STAMBP: variants seen among roughly 807,000 people sequenced by gnomAD.
The protein encoded by STAMBP is STAM binding protein.
A neutral mutation model predicts 50.7 loss-of-function variants in STAMBP; 31 were observed. The ratio of observed to expected loss-of-function variants is 0.61; its 90% CI spans 0.46 to 0.83. The LOEUF (loss-of-function observed/expected upper bound fraction) is 0.83, where lower values mean the gene tolerates loss of function less well. Among genes scored for constraint, STAMBP ranks in the 40% least tolerant of loss-of-function variants. The probability of loss-of-function intolerance (pLI) is 0.00; values close to 1 mark genes in which losing one functional copy is unlikely to be tolerated. For synonymous variants in STAMBP, 211 were observed against 192.4 expected (o/e 1.10, Z -0.80); for missense variants, 472 against 518.9 (o/e 0.91, Z 0.88).
intron 7 of STAMBP, 132 bp from the exon 8 acceptor site, chr2:73,859,122 A>T (rs2104675699): frequency 3.0e-6 from 2 of 668,490 alleles, no homozygotes; most frequent in East Asian, 5.0e-5. Context: ...TTCTCAAAGT[A>T]TGTTATCGTA....
At position 73,862,277 on chromosome 2, in the gene STAMBP, C is replaced by T; in HGVS notation, c.*18C>T. 6.2e-7 allele frequency: 1 copy of T among 1,604,914 alleles called. No homozygotes were observed. Among genetic ancestry groups the T allele is most frequent in the Non-Finnish European group, 8.5e-7 (1 of 1,176,354 alleles). On this transcript the variant is annotated 3_prime_UTR_variant, in exon 10 of 10. Coordinates refer to ENST00000394070, the MANE Select transcript of STAMBP (RefSeq NM_213622.4). The stretch of plus-strand genomic sequence containing the variant: ...TTCGATGAGCGTTTGAGTCCAACAC[C>T]TTCCAAGAACAACAAAACCATATCA...
In STAMBP at chr2:73,864,188, A is replaced by C. The variant is rs1678652311; in HGVS notation, c.*1929A>C. On this transcript the variant is annotated 3_prime_UTR_variant, in exon 10 of 10. Coordinates refer to ENST00000394070, the MANE Select transcript of STAMBP (RefSeq NM_213622.4). Reference sequence around the variant, plus strand: ...TCAAGTACAACCAGGGTTGACAACCACTGCATTGGTCTTTGATACCTAAGA... The same window carrying C: ...TCAAGTACAACCAGGGTTGACAACCCCTGCATTGGTCTTTGATACCTAAGA... 6.6e-6 allele frequency: 1 copy of C among 152,244 alleles called. No individual in the cohort carries two copies. Among genetic ancestry groups the C allele is most frequent in the African/African-American group, 2.4e-5 (1 of 41,460 alleles). The allele number at this position is 152,244 out of a possible 1,614,324, so 9.4% of individuals were successfully genotyped here.
intron 5 of STAMBP, 139 bp from the exon 6 acceptor site, chr2:73,849,222 TAG>T: frequency 2.4e-6 from 3 of 1,233,428 alleles, no homozygotes; most frequent in South Asian, 1.3e-5. Flanking sequence ...TTGGTGCCAT[TAG>T]AATGAGATCC....
chr2:73,831,388 A>G (rs1198283461), intron 2 of STAMBP, among the ~76,000 whole-genome samples: 2 of 152,244 alleles, frequency 1.3e-5, no homozygotes, highest in Admixed American at 1.3e-4. Context: ...GCAGCCAATC[A>G]TAGGATTATT....
In STAMBP at chr2:73,855,466, A is replaced by G. The variant is rs760772932; in HGVS notation, c.1006-3788A>G. 9.9e-5 allele frequency among the ~76,000 whole-genome samples: 15 copies of G among 152,218 alleles called. 1 individual carries two copies. Among genetic ancestry groups the G allele is most frequent in the Non-Finnish European group, 1.8e-4 (12 of 68,044 alleles). ...GCAAAGTTTTTTGATTCTGTTTAAG[A>G]GTTGTTTACTGAGTCCCTGCTTATG... On this transcript the variant is annotated intron_variant, in intron 7 of 9. Transcript: ENST00000394070.
Position 73,830,990 on chromosome 2 carries a change from G to C in STAMBP, c.134G>C (p.Arg45Pro). 1 of 1,614,166 alleles carries C rather than the reference G, an allele frequency of 6.2e-7. No individual in the cohort carries two copies. The highest frequency in any genetic ancestry group is 8.5e-7 in the Non-Finnish European group (1 of 1,180,026). The change falls in exon 2 of 10, where the codon CGA (arginine) becomes CCA (proline). Residue 45 changes from arginine (R) to proline (P), a missense_variant. Coordinates refer to ENST00000394070, the MANE Select transcript of STAMBP (RefSeq NM_213622.4). ...TTCCGCTCTGGAGTTGAGATTATCC[G>C]AATGGCATCCATTTACTCTGAGGAA... ...RYFRSGVEII[R>P]MASIYSEEGN...
chr2:73,853,015 T>C (rs995620020), intron 7 of STAMBP, among the ~76,000 whole-genome samples: 4 of 151,554 alleles, frequency 2.6e-5, no homozygotes, highest in African/African-American at 7.3e-5. Flanking sequence ...ATCCTGACCT[T>C]GTGATCCTCG....
At chr2:73,856,166 C>T (rs972284132) in intron 7 of STAMBP, among the ~76,000 whole-genome samples, 2 of 152,216 alleles carry the variant, frequency 1.3e-5, no homozygotes, top group African/African-American at 2.4e-5. Flanking sequence ...ATTTTAGCAT[C>T]GTGTTCTCCT....
chr2:73,852,845 TTGTG>T (rs55727735), intron 7 of STAMBP, among the ~76,000 whole-genome samples: 29,261 of 127,360 alleles, frequency 0.23, 3,270 homozygotes, highest in East Asian at 0.29. Context: ...GCCTGGCTAA[TTGTG>T]TGTGTGTGTG....
At chr2:73,835,863 G>T (rs1022276015) in intron 2 of STAMBP, among the ~76,000 whole-genome samples, 5 of 152,152 alleles carry the variant, frequency 3.3e-5, no homozygotes, top group African/African-American at 1.2e-4. Context: ...GAGATGTCAA[G>T]TGGGAGGTTG....
Position 73,834,722 on chromosome 2 carries a change from T to C in STAMBP, c.203+3663T>C, listed in dbSNP as rs549419430. ...AAGCAGGGGTTTATGACTAGAGTAG[T>C]CAGGGTAAGGTCTGTCTGAGAAGAC... On this transcript the variant is annotated intron_variant, in intron 2 of 9. Coordinates refer to ENST00000394070, the MANE Select transcript of STAMBP (RefSeq NM_213622.4). Among the ~76,000 whole-genome samples the C allele has an allele frequency of 2.0e-5, 3 of 152,200 alleles. No homozygotes were observed. In the East Asian group the frequency reaches 5.8e-4, roughly 29 times the overall value.
Position 73,866,008 on chromosome 2 carries a change from C to G in STAMBP, c.*3749C>G, listed in dbSNP as rs1267314610. 6.6e-6 allele frequency: 1 copy of G among 152,246 alleles called. No individual in the cohort carries two copies. Among genetic ancestry groups the G allele is most frequent in the Non-Finnish European group, 1.5e-5 (1 of 68,070 alleles). 9.4% of individuals were successfully genotyped at this position (152,246 alleles called of 1,614,324 possible). A position where few individuals can be genotyped will look rare whatever the true frequency, so the allele number is the denominator to read the frequency against. On this transcript the variant is annotated 3_prime_UTR_variant, in exon 10 of 10. Transcript: ENST00000394070. Reference sequence around the variant, plus strand: ...AGAAATTACATCATCTCTATTTTCCCTTGGCTCCAGCCCACTCTTGTTTGA... The same window carrying G: ...AGAAATTACATCATCTCTATTTTCCGTTGGCTCCAGCCCACTCTTGTTTGA...
At chr2:73,847,289 A>C in intron 4 of STAMBP, 98 bp from the exon 5 acceptor site, 1 of 1,437,216 alleles carries the variant, frequency 7.0e-7, no homozygotes, top group Non-Finnish European at 9.4e-7. Context: ...CCACAGCAGA[A>C]GTACATTTTG....
chr2:73,843,570 C>T (rs1049314573), intron 2 of STAMBP, among the ~76,000 whole-genome samples: 9 of 151,928 alleles, frequency 5.9e-5, no homozygotes, highest in South Asian at 2.1e-4. Context: ...CACCCAGCCT[C>T]TTTTATATCT....
Position 73,847,688 on chromosome 2 carries a change from G to A in STAMBP, c.677G>A (p.Arg226Lys). ...CCTTCAGACTGTCACACAACTGTAA[G>A]GCCAGCTAAGCCACCTGTGGTGGAC... ...IQPSDCHTTVRPAKPPVVDRS... is the reference protein window; with the variant it reads ...IQPSDCHTTVKPAKPPVVDRS... The change falls in exon 5 of 10, where the codon AGG (arginine) becomes AAG (lysine). Residue 226 changes from arginine (R) to lysine (K), a missense_variant. Transcript: ENST00000394070. 6.2e-7 allele frequency: 1 copy of A among 1,614,186 alleles called. No homozygotes were observed. The highest frequency in any genetic ancestry group is 8.5e-7 in the Non-Finnish European group (1 of 1,180,034).
chr2:73,832,108 T>TATATATATATATATATATATACAC lies in STAMBP; in HGVS notation c.203+1050_203+1051insTATATATATATATATATATACACA, dbSNP rs1006072205. Among the ~76,000 whole-genome samples, 125 of 122,788 alleles carry TATATATATATATATATATATACAC rather than the reference T, an allele frequency of 1.0e-3. 1 individual carries two copies. Among genetic ancestry groups the TATATATATATATATATATATACAC allele is most frequent in the African/African-American group, 2.0e-3 (58 of 28,508 alleles). 80.6% of individuals were successfully genotyped at this position (122,788 alleles called of 152,430 possible). A position where few individuals can be genotyped will look rare whatever the true frequency, so the allele number is the denominator to read the frequency against. On this transcript the variant is annotated intron_variant, in intron 2 of 9. Coordinates refer to ENST00000394070, the MANE Select transcript of STAMBP (RefSeq NM_213622.4). ...ACATATATATATATATATATATATA[T>TATATATATATATATATATATACAC]ACACATATATATGGTGCACAATTCA...
intron 2 of STAMBP, among the ~76,000 whole-genome samples, chr2:73,834,225 AAAAAAAAAAAAATATATATATAT>A (rs1344272016): frequency 7.3e-4 from 18 of 24,642 alleles, no homozygotes; most frequent in Admixed American, 2.1e-3. Context: ...AAAAAAAAAA[AAAAAAAAAAAAATATATATATAT>A]ATATATATAT....
Position 73,859,374 on chromosome 2 carries a change from T to C in STAMBP, c.1118+8T>C, listed in dbSNP as rs1678005072. On this transcript the variant is annotated splice_region_variant and intron_variant, in intron 8 of 9. Coordinates refer to ENST00000394070, the MANE Select transcript of STAMBP (RefSeq NM_213622.4). ...CTCCCCCAAGTTCCAGGAGTGAGTA[T>C]AGAGGGCATGGTTCTGGGTGTTTCA... is the stretch of plus-strand genomic sequence containing the variant. 1.2e-6 allele frequency: 2 copies of C among 1,609,084 alleles called. No individual in the cohort carries two copies. The highest frequency in any genetic ancestry group is 1.7e-6 in the Non-Finnish European group (2 of 1,175,408).
intron 2 of STAMBP, 73 bp from the exon 3 acceptor site, chr2:73,844,740 G>A: frequency 7.9e-7 from 1 of 1,270,316 alleles, no homozygotes; most frequent in South Asian, 1.3e-5. Context: ...CAGGATAAGG[G>A]GGTTGCATAG....
Sources: gnomAD v4.1 joint callset for allele counts (sites outside exome capture counted in the v4.1 genomes callset) on GRCh38, gnomAD v4.1.1 for gene constraint, MANE v1.5 for transcripts, NCBI Gene and HGNC (gene_info 2026-07-23, HGNC 2026-07-21) for gene names.